The following OR1B1 variants were observed in gnomAD, a reference collection of about 807,000 sequenced individuals.
OR1B1 encodes olfactory receptor 1B1.
For missense variants in OR1B1, 414 were observed against 402.1 expected (o/e 1.03, Z -0.25); for synonymous variants, 168 against 156.2 (o/e 1.08, Z -0.57).
chr9:122,633,599 T>C (rs1182574330), upstream of OR1B1, among the ~76,000 whole-genome samples: 1 of 151,954 alleles, frequency 6.6e-6, no homozygotes, highest in Non-Finnish European at 1.5e-5. Flanking sequence ...TTATACTCAA[T>C]AGCAAAATAA....
exon 1 of OR1B1, chr9:122,628,687 C>A: frequency 6.2e-7 from 1 of 1,613,864 alleles, no homozygotes; most frequent in East Asian, 2.2e-5. Context: ...TGGCAGTATA[C>A]ATTACTGAAG....
exon 1 of OR1B1, chr9:122,629,448 AGAG>A (rs1830182074): frequency 1.2e-6 from 2 of 1,613,858 alleles, no homozygotes; most frequent in Non-Finnish European, 1.7e-6. Context: ...AACAGGAAGA[AGAG>A]GAGAGTGTAG....
the OR1B1 span, among the ~76,000 whole-genome samples, chr9:122,651,189 GTTAA>G: frequency 7.2e-5 from 11 of 151,880 alleles, no homozygotes; most frequent in African/African-American, 2.7e-4. Context: ...ATTTTGTTTT[GTTAA>G]TTGATACATA....
At chr9:122,635,266 C>T in the OR1B1 span, among the ~76,000 whole-genome samples, 1 of 151,874 alleles carries the variant, frequency 6.6e-6, no homozygotes, top group East Asian at 1.9e-4. Context: ...AAGCCAGGCA[C>T]AGAAAAAAAT....
upstream of OR1B1, among the ~76,000 whole-genome samples, chr9:122,632,716 G>A (rs113960643): frequency 3.6e-4 from 55 of 152,292 alleles, no homozygotes; most frequent in African/African-American, 1.2e-3. Context: ...ATAATGGAAA[G>A]CAGCTAATTC....
chr9:122,648,404 T>G, the OR1B1 span, among the ~76,000 whole-genome samples: 2 of 152,204 alleles, frequency 1.3e-5, no homozygotes, highest in African/African-American at 4.8e-5. Context: ...TGATGGAATG[T>G]ATCTCAAAAT....
the OR1B1 span, among the ~76,000 whole-genome samples, chr9:122,636,110 C>T: frequency 1.3e-4 from 20 of 152,208 alleles, no homozygotes; most frequent in African/African-American, 4.6e-4. Flanking sequence ...AAAAGCTGCT[C>T]ATGTTGAAGG....
At chr9:122,655,841 T>TAA in the OR1B1 span, among the ~76,000 whole-genome samples, 2 of 139,196 alleles carry the variant, frequency 1.4e-5, no homozygotes, top group Non-Finnish European at 1.6e-5. Context: ...AGCTTAACAT[T>TAA]AAAAAAAAAA....
chr9:122,641,414 G>A, the OR1B1 span, among the ~76,000 whole-genome samples: 250 of 152,200 alleles, frequency 1.6e-3, 2 homozygotes, highest in Non-Finnish European at 1.3e-3. Flanking sequence ...TGAAAGTCAC[G>A]GCAAGGGTTA....
chr9:122,654,438 T>G, the OR1B1 span, among the ~76,000 whole-genome samples: 1 of 152,222 alleles, frequency 6.6e-6, no homozygotes, highest in Non-Finnish European at 1.5e-5. Context: ...AATACTCCCC[T>G]TCTTTCTGCT....
the OR1B1 span, among the ~76,000 whole-genome samples, chr9:122,656,599 G>A: frequency 6.6e-6 from 1 of 152,106 alleles, no homozygotes; most frequent in African/African-American, 2.4e-5. Context: ...CTCGTGTCAT[G>A]CCCTCAGACT....
chr9:122,656,251 T>C, the OR1B1 span, among the ~76,000 whole-genome samples: 1 of 152,160 alleles, frequency 6.6e-6, no homozygotes, highest in Non-Finnish European at 1.5e-5. Flanking sequence ...CCTTGAAGCT[T>C]TGTTGATTTC....
chr9:122,644,827 G>A, the OR1B1 span, among the ~76,000 whole-genome samples: 1,460 of 151,930 alleles, frequency 9.6e-3, 13 homozygotes, highest in Non-Finnish European at 0.015. Context: ...ACAGGCACAC[G>A]CAAGCCCAGA....
At chr9:122,645,307 C>T in the OR1B1 span, among the ~76,000 whole-genome samples, 1 of 151,258 alleles carries the variant, frequency 6.6e-6, no homozygotes, top group African/African-American at 2.4e-5. Flanking sequence ...CTCAAGAGGA[C>T]CAGTTACAGA....
chr9:122,632,961 G>C (rs1240070312), upstream of OR1B1, among the ~76,000 whole-genome samples: 2 of 152,126 alleles, frequency 1.3e-5, no homozygotes, highest in Non-Finnish European at 2.9e-5. Context: ...GAAGTTGAAA[G>C]GCACATCTCA....
At chr9:122,634,430 G>A (rs937177222), upstream of OR1B1, among the ~76,000 whole-genome samples, 3 of 152,078 alleles carry the variant, frequency 2.0e-5, no homozygotes, top group Non-Finnish European at 4.4e-5. Flanking sequence ...AGGTGTAATT[G>A]ACTCACAGTT....
upstream of OR1B1, among the ~76,000 whole-genome samples, chr9:122,632,263 G>C (rs971519012): frequency 2.0e-5 from 3 of 151,272 alleles, no homozygotes; most frequent in East Asian, 5.8e-4. Flanking sequence ...TAGTGTCTAA[G>C]AGAGAAAATA....
the OR1B1 span, among the ~76,000 whole-genome samples, chr9:122,654,058 A>G: frequency 5.9e-5 from 9 of 152,310 alleles, no homozygotes; most frequent in South Asian, 1.5e-3. Flanking sequence ...TCCATACTCT[A>G]TGTATTTTTT....
exon 1 of OR1B1, chr9:122,629,020 C>A (rs1420757005): frequency 6.2e-7 from 1 of 1,613,990 alleles, no homozygotes. Flanking sequence ...CCCCAGCATC[C>A]CCAGTCCAGC....
Sources: allele counts gnomAD v4.1 joint callset (sites outside exome capture counted in the v4.1 genomes callset), GRCh38; gene constraint gnomAD v4.1.1; transcripts MANE v1.5; gene names NCBI Gene and HGNC (gene_info 2026-07-23, HGNC 2026-07-21).